PCDHGA10: variants seen among roughly 807,000 people sequenced by gnomAD.
PCDHGA10 encodes the protein protocadherin gamma subfamily A, 10.
A neutral mutation model predicts 59.5 loss-of-function variants in PCDHGA10; 42 were observed. The ratio of observed to expected loss-of-function variants is 0.71; its 90% CI spans 0.55 to 0.91. PCDHGA10 has a LOEUF of 0.91. Ranked by LOEUF, PCDHGA10 falls within the 40% of genes least tolerant of loss-of-function variation. The pLI is 0.00. For synonymous variants in PCDHGA10, 511 were observed against 517.2 expected, an observed-to-expected ratio of 0.99 and a Z score of 0.16; for missense variants, 1,111 against 1,198.2, an observed-to-expected ratio of 0.93 and a Z score of 1.07.
chr5:141,491,136 G>A lies in PCDHGA10; in HGVS notation c.2437-3671G>A, dbSNP rs769904518. On this transcript the variant is annotated intron_variant, in intron 1 of 3. Coordinates refer to ENST00000398610, the MANE Select transcript of PCDHGA10 (RefSeq NM_018913.3). This position sits in a 1 kb window ranked among gnomAD's most constrained non-coding sequence, Gnocchi z 6.9. ...ACACTGGTGAGGTGCGCACAGCCCG[G>A]GCCTTACTGGAGGATGACTCTGACA... The A allele has an allele frequency of 2.4e-5, 38 of 1,614,030 alleles. 1 individual carries two copies. The South Asian group carries it at 4.1e-4, about 17-fold the overall frequency.
chr5:141,475,914 A>C (rs2099380300), intron 1 of PCDHGA10: 1 of 592,260 alleles, frequency 1.7e-6, no homozygotes, highest in African/African-American at 1.9e-5. Context: ...GCCAATGAAG[A>C]CGCTGGAGAT....
At chr5:141,433,935 T>G (rs2097665519) in intron 1 of PCDHGA10, among the ~76,000 whole-genome samples, 2 of 152,150 alleles carry the variant, frequency 1.3e-5, no homozygotes, top group African/African-American at 2.4e-5. Context: ...GATTTTATAA[T>G]TCCATTGTTT....
chr5:141,416,458 G>A (rs1391820726), intron 1 of PCDHGA10: 1 of 152,194 alleles, frequency 6.6e-6, no homozygotes, highest in Non-Finnish European at 1.5e-5. Flanking sequence ...TGGGAAGACA[G>A]ATAAATTTGT....
At chr5:141,423,202 G>A (rs771252840) in intron 1 of PCDHGA10, 67 of 1,613,500 alleles carry the variant, frequency 4.2e-5, no homozygotes, top group Non-Finnish European at 5.5e-5. Context: ...CTCGGCCACC[G>A]TCACGCTCAC....
chr5:141,417,878 C>T, intron 1 of PCDHGA10: 1 of 1,558,216 alleles, frequency 6.4e-7, no homozygotes, highest in Non-Finnish European at 8.7e-7. Context: ...GAGCTGCGCG[C>T]AGAGGCGCCG....
At chr5:141,471,571 A>G (rs1417147609) in intron 1 of PCDHGA10, 1 of 152,224 alleles carries the variant, frequency 6.6e-6, no homozygotes, top group African/African-American at 2.4e-5. Context: ...GGGTAGCAGT[A>G]GATAGGGTAA....
intron 1 of PCDHGA10, 78 bp from the exon 2 acceptor site, chr5:141,494,729 C>CG: frequency 6.2e-7 from 1 of 1,610,168 alleles, no homozygotes; most frequent in South Asian, 1.1e-5. Context: ...CCTTCTCTCC[C>CG]GGCCCATCCC....
chr5:141,418,647 G>C, intron 1 of PCDHGA10: 1 of 1,614,034 alleles, frequency 6.2e-7, no homozygotes, highest in Non-Finnish European at 8.5e-7. Flanking sequence ...TCCATCCTGA[G>C]AGTGAAGGCC....
rs775989253 is a variant in PCDHGA10 at position 141,491,769 on chromosome 5, G to A, written c.2437-3038G>A. On this transcript the variant is annotated intron_variant, in intron 1 of 3. Transcript: ENST00000398610. The surrounding 1 kb of genome is among the most constrained non-coding windows in gnomAD (Gnocchi z 6.9). ...CTGGAGAAGCCGCCCGTCCTCATAA[G>A]GGATTGAACTTGCATCCACTCCTCT... 6.4e-7 allele frequency: 1 copy of A among 1,562,376 alleles called. No homozygotes were observed. Among genetic ancestry groups the A allele is most frequent in the African/African-American group, 1.4e-5 (1 of 73,058 alleles).
At chr5:141,452,227 T>C (rs2098736376) in intron 1 of PCDHGA10, among the ~76,000 whole-genome samples, 1 of 152,232 alleles carries the variant, frequency 6.6e-6, no homozygotes, top group African/African-American at 2.4e-5. Context: ...CTCTTCAAGC[T>C]GGTTCTTGTG....
intron 2 of PCDHGA10, among the ~76,000 whole-genome samples, chr5:141,504,786 C>A (rs568185327): frequency 6.6e-6 from 1 of 152,014 alleles, no homozygotes; most frequent in South Asian, 2.1e-4. Context: ...TCTCTTGGGG[C>A]CTCCTACATC....
intron 2 of PCDHGA10, among the ~76,000 whole-genome samples, chr5:141,499,314 A>C (rs2099791047): frequency 6.6e-6 from 1 of 152,238 alleles, no homozygotes; most frequent in Non-Finnish European, 1.5e-5. Context: ...TCTGAGAGAC[A>C]GTATCCCTGC....
intron 1 of PCDHGA10, among the ~76,000 whole-genome samples, chr5:141,467,695 T>C (rs1189395935): frequency 6.6e-6 from 1 of 152,142 alleles, no homozygotes; most frequent in Non-Finnish European, 1.5e-5. Flanking sequence ...AGGGTCTGGC[T>C]CTGTTGCCCA....
At chr5:141,430,996 G>C in intron 1 of PCDHGA10, 8 of 1,614,024 alleles carry the variant, frequency 5.0e-6, no homozygotes, top group Middle Eastern at 3.3e-4. Context: ...CCCTGAATCC[G>C]CGCAGCGGCA....
chr5:141,468,067 G>A (rs560511893), intron 1 of PCDHGA10, among the ~76,000 whole-genome samples: 34 of 152,032 alleles, frequency 2.2e-4, no homozygotes, highest in Non-Finnish European at 4.0e-4. Flanking sequence ...GCTCACACCT[G>A]TAATCCCAGC....
In PCDHGA10 at chr5:141,413,366, C is replaced by T. The variant is rs1452603006; in HGVS notation, c.191C>T (p.Ala64Val). The change falls in exon 1 of 4, where the codon GCG (alanine) becomes GTG (valine). Residue 64 changes from alanine to valine, a missense_variant. Transcript: ENST00000398610. ...KDLGLAPREL[A>V]ERGVRIVSRG... ...TTGGGTCTGGCGCCCCGGGAGCTGG[C>T]GGAGCGCGGAGTCCGCATAGTCTCC... is the stretch of plus-strand genomic sequence containing the variant. 1.2e-6 allele frequency: 2 copies of T among 1,613,958 alleles called. No homozygotes were observed. The highest frequency in any genetic ancestry group is 1.7e-4 in the Middle Eastern group (1 of 6,060).
chr5:141,430,245 G>C (rs1000418420), intron 1 of PCDHGA10, among the ~76,000 whole-genome samples: 1 of 104,402 alleles, frequency 9.6e-6, no homozygotes, highest in African/African-American at 6.4e-5. Flanking sequence ...GAAACTCCTA[G>C]GGAGACATCT....
At chr5:141,422,166 T>A (rs370704205) in intron 1 of PCDHGA10, 1 of 1,569,256 alleles carries the variant, frequency 6.4e-7, no homozygotes, top group African/African-American at 1.4e-5. Context: ...TTGAAAAATA[T>A]AGATTCTATG....
chr5:141,462,253 A>C (rs7717600), intron 1 of PCDHGA10, among the ~76,000 whole-genome samples: 42,489 of 152,124 alleles, frequency 0.28, 6,669 homozygotes, highest in African/African-American at 0.43. Context: ...AGCCACCATG[A>C]CCAGCCTAAA....
Sources: allele counts gnomAD v4.1 joint callset (sites outside exome capture counted in the v4.1 genomes callset), GRCh38; gene constraint gnomAD v4.1.1; non-coding constraint Gnocchi (gnomAD v3.1); transcripts MANE v1.5; gene names NCBI Gene and HGNC (gene_info 2026-07-23, HGNC 2026-07-21).